The following PCDH7 variants were observed in gnomAD, a reference collection of about 807,000 sequenced individuals.
The protein encoded by PCDH7 is protocadherin-7.
PCDH7 carries 17 observed loss-of-function variants against 58.9 expected under a neutral mutation model. The ratio of observed to expected loss-of-function variants is 0.29; its 90% CI spans 0.20 to 0.43. The LOEUF (loss-of-function observed/expected upper bound fraction) is 0.43, where lower values mean the gene tolerates loss of function less well. Among genes scored for constraint, PCDH7 ranks in the 20% least tolerant of loss-of-function variants. The probability of loss-of-function intolerance (pLI) is 1.00; values close to 1 mark genes in which losing one functional copy is unlikely to be tolerated. For missense variants in PCDH7, 1,274 were observed against 1,441.0 expected (o/e 0.88, Z 1.88); for synonymous variants, 664 against 616.4 (o/e 1.08, Z -1.14).
rs923430439 is a variant in PCDH7 at position 30,722,716 on chromosome 4, G to A, written c.1294G>A (p.Val432Met). ...CCCCCTCAAGGACGGGGTGGCCAAC[G>A]TGGCCGAGGACGTTCTGGTCGACAC... Residue 432 changes from valine (V) to methionine (M), a missense_variant, in exon 1 of 2, where the codon GTG becomes ATG. By Grantham distance (21) the Val-to-Met change is conservative. This residue lies in a region of PCDH7 where 731 missense variants were observed against 881.9 expected (regional missense o/e 0.83). Coordinates refer to ENST00000361762, the Ensembl canonical transcript of PCDH7. The surrounding 1 kb of genome is among the most constrained non-coding windows in gnomAD (Gnocchi z 7.6). The A allele has an allele frequency of 1.2e-6, 2 of 1,613,424 alleles. No individual in the cohort carries two copies. Among genetic ancestry groups the A allele is most frequent in the African/African-American group, 1.3e-5 (1 of 74,956 alleles).
intron 3 of PCDH7, among the ~76,000 whole-genome samples, chr4:31,037,549 T>A (rs976497863): frequency 2.0e-5 from 3 of 152,226 alleles, no homozygotes; most frequent in African/African-American, 7.2e-5. Context: ...ATGGGCCATG[T>A]GTTATTTCTT....
intron 3 of PCDH7, among the ~76,000 whole-genome samples, chr4:31,082,895 T>A (rs994996654): frequency 3.3e-5 from 5 of 152,028 alleles, no homozygotes; most frequent in Admixed American, 2.0e-4. Context: ...GATCACGAGG[T>A]CAGGAGATCG....
At chr4:30,796,082 T>A (rs1724735470) in intron 1 of PCDH7, among the ~76,000 whole-genome samples, 1 of 152,216 alleles carries the variant, frequency 6.6e-6, no homozygotes. Flanking sequence ...GTTGTGTCTA[T>A]GAGAAATCCC....
chr4:31,016,890 TG>T (rs1339394981), intron 3 of PCDH7, among the ~76,000 whole-genome samples: 1 of 149,822 alleles, frequency 6.7e-6, no homozygotes, highest in African/African-American at 2.5e-5. Context: ...CATATGTGTG[TG>T]TGCTGGGTGT....
chr4:31,020,330 A>G (rs1753924964), intron 3 of PCDH7, among the ~76,000 whole-genome samples: 1 of 152,224 alleles, frequency 6.6e-6, no homozygotes, highest in African/African-American at 2.4e-5. Flanking sequence ...ATTTCAAGGT[A>G]CAGGTACGTG....
intron 3 of PCDH7, among the ~76,000 whole-genome samples, chr4:30,971,912 GATTA>G (rs1323068910): frequency 6.6e-6 from 1 of 152,122 alleles, no homozygotes; most frequent in African/African-American, 2.4e-5. Context: ...CATGAGCGGT[GATTA>G]TACCACTGCA....
intron 3 of PCDH7, among the ~76,000 whole-genome samples, chr4:31,013,433 TATATC>T (rs1753353805): frequency 1.3e-5 from 2 of 150,664 alleles, no homozygotes; most frequent in Admixed American, 6.7e-5. Context: ...TATACACACA[TATATC>T]ATATATCTTC....
At chr4:31,006,435 C>A (rs2109144896) in intron 3 of PCDH7, among the ~76,000 whole-genome samples, 1 of 152,232 alleles carries the variant, frequency 6.6e-6, no homozygotes, top group Non-Finnish European at 1.5e-5. Context: ...TGCACAATAA[C>A]AAATCTTAGC....
chr4:30,874,258 C>T (rs865953672), intron 1 of PCDH7, among the ~76,000 whole-genome samples: 192 of 151,690 alleles, frequency 1.3e-3, no homozygotes, highest in African/African-American at 4.4e-3. Context: ...ATGTTTATTG[C>T]GGCACTATTC....
chr4:30,788,428 A>T (rs1231403566), intron 1 of PCDH7, among the ~76,000 whole-genome samples: 1 of 152,130 alleles, frequency 6.6e-6, no homozygotes, highest in Non-Finnish European at 1.5e-5. Context: ...AACTGCAGTT[A>T]GTACCCTATC....
At chr4:30,795,982 T>G (rs574869178) in intron 1 of PCDH7, among the ~76,000 whole-genome samples, 1 of 152,310 alleles carries the variant, frequency 6.6e-6, no homozygotes, top group South Asian at 2.1e-4. Context: ...TCTAGTAGAC[T>G]TCAGCAGAGT....
chr4:30,946,464 G>GC (rs1380498682), intron 2 of PCDH7, among the ~76,000 whole-genome samples: 2 of 151,760 alleles, frequency 1.3e-5, no homozygotes, highest in Non-Finnish European at 2.9e-5. Context: ...TGACTCTCCA[G>GC]CTCTCACCCA....
chr4:30,780,894 T>G (rs1193874929), intron 1 of PCDH7, among the ~76,000 whole-genome samples: 2 of 152,206 alleles, frequency 1.3e-5, no homozygotes, highest in Non-Finnish European at 2.9e-5. Context: ...GCAGGGAAAC[T>G]AAATCCTCTC....
chr4:30,983,746 A>G (rs1295227537), intron 3 of PCDH7, among the ~76,000 whole-genome samples: 2 of 152,214 alleles, frequency 1.3e-5, no homozygotes, highest in Non-Finnish European at 2.9e-5. Context: ...TTTTAATTGC[A>G]TGTTCAGAAG....
At chr4:30,929,858 G>C (rs1744344215) in intron 2 of PCDH7, among the ~76,000 whole-genome samples, 2 of 152,072 alleles carry the variant, frequency 1.3e-5, no homozygotes, top group African/African-American at 4.8e-5. Flanking sequence ...TTCCTTATGA[G>C]GCCACATTTC....
At chr4:30,950,479 A>G (rs1747243704) in intron 3 of PCDH7, among the ~76,000 whole-genome samples, 1 of 152,170 alleles carries the variant, frequency 6.6e-6, no homozygotes, top group African/African-American at 2.4e-5. Flanking sequence ...CCTCAACAAA[A>G]TATGTATAAA....
In PCDH7 at chr4:31,124,137, G is replaced by A. The variant is rs150116744; in HGVS notation, c.*8-18336G>A. 7.9e-5 allele frequency among the ~76,000 whole-genome samples: 12 copies of A among 152,240 alleles called. No homozygotes were observed. The East Asian group carries it at 1.4e-3, about 17-fold the overall frequency. Reference sequence around the variant, plus strand: ...AGGAATACAGGTTCTCATTAGGGCCGTGAGTCCAGCCTCGAGGGTGGAGCC... The same window carrying A: ...AGGAATACAGGTTCTCATTAGGGCCATGAGTCCAGCCTCGAGGGTGGAGCC... On this transcript the variant is annotated intron_variant, in intron 3 of 3. Coordinates refer to the PCDH7 transcript ENST00000509759.
At chr4:31,068,350 A>T (rs1758260747) in intron 3 of PCDH7, among the ~76,000 whole-genome samples, 1 of 151,980 alleles carries the variant, frequency 6.6e-6, no homozygotes, top group African/African-American at 2.4e-5. Context: ...ATAGAAAAAA[A>T]ATCCATCGCA....
chr4:30,947,056 G>A (rs1307223588), intron 2 of PCDH7, among the ~76,000 whole-genome samples: 1 of 152,022 alleles, frequency 6.6e-6, no homozygotes, highest in Non-Finnish European at 1.5e-5. Flanking sequence ...CATTCCTTGA[G>A]GACATGAACC....
Sources: gnomAD v4.1 joint callset for allele counts (sites outside exome capture counted in the v4.1 genomes callset) on GRCh38, gnomAD v4.1.1 for gene constraint, gnomAD v4.1.1 regional missense constraint, Gnocchi (gnomAD v3.1) non-coding constraint, MANE v1.5 for transcripts, NCBI Gene and HGNC (gene_info 2026-07-23, HGNC 2026-07-21) for gene names.